GALNT17: variants seen among roughly 807,000 people sequenced by gnomAD.
GALNT17 encodes the protein UDP-GalNAc:polypeptide N-acetylgalactosaminyltransferase-like 3.
A neutral mutation model predicts 63.7 loss-of-function variants in GALNT17; 29 were observed. The observed-to-expected ratio is 0.46, with a 90% CI of 0.34 to 0.62. GALNT17 has a LOEUF of 0.62. GALNT17 is among the 20% of genes least tolerant of loss of function. The probability of loss-of-function intolerance (pLI) is 0.01; values close to 1 mark genes in which losing one functional copy is unlikely to be tolerated. For synonymous variants in GALNT17, 305 were observed against 318.3 expected, an observed-to-expected ratio of 0.96 and a Z score of 0.45; for missense variants, 603 against 799.6, an observed-to-expected ratio of 0.75 and a Z score of 2.97.
chr7:71,250,428 A>G (rs4717586), intron 1 of GALNT17, among the ~76,000 whole-genome samples: 39,136 of 152,052 alleles, frequency 0.26, 6,048 homozygotes, highest in Non-Finnish European at 0.32. Flanking sequence ...GTTTTTTGAC[A>G]GTATGGCTAT....
chr7:71,663,913 C>T (rs776926535), intron 6 of GALNT17, among the ~76,000 whole-genome samples: 3 of 152,172 alleles, frequency 2.0e-5, no homozygotes, highest in Non-Finnish European at 2.9e-5. Flanking sequence ...TTATGCAGAG[C>T]ATACAGTGTC....
intron 6 of GALNT17, among the ~76,000 whole-genome samples, chr7:71,654,748 C>G (rs1362853328): frequency 1.3e-5 from 2 of 152,086 alleles, no homozygotes; most frequent in Non-Finnish European, 2.9e-5. Context: ...GAAAATAGAT[C>G]ACAGGCTTTC....
chr7:71,473,515 G>A (rs1393111074), intron 5 of GALNT17, among the ~76,000 whole-genome samples: 1 of 152,150 alleles, frequency 6.6e-6, no homozygotes, highest in Non-Finnish European at 1.5e-5. Flanking sequence ...TTGCAATTTG[G>A]TATCTTACTG....
chr7:71,430,298 C>T (rs1035373142), intron 5 of GALNT17, among the ~76,000 whole-genome samples: 4 of 152,306 alleles, frequency 2.6e-5, no homozygotes, highest in Middle Eastern at 3.4e-3. Context: ...AGCCTGAATG[C>T]ACCTAGGTTA....
chr7:71,288,499 G>A (rs971346595), intron 1 of GALNT17, among the ~76,000 whole-genome samples: 1 of 152,146 alleles, frequency 6.6e-6, no homozygotes, highest in African/African-American at 2.4e-5. Flanking sequence ...CTGACTATAA[G>A]CCCTGAGCGG....
chr7:71,155,350 T>C (rs751155070), intron 1 of GALNT17, among the ~76,000 whole-genome samples: 19 of 151,716 alleles, frequency 1.3e-4, no homozygotes, highest in Non-Finnish European at 2.5e-4. Context: ...CTCGGCTCAC[T>C]GCACCCCCAA....
At chr7:71,336,910 A>C (rs1173450910) in intron 2 of GALNT17, among the ~76,000 whole-genome samples, 2 of 152,216 alleles carry the variant, frequency 1.3e-5, no homozygotes, top group African/African-American at 4.8e-5. Flanking sequence ...CGGCTTCACC[A>C]AATTGCTTTC....
At chr7:71,672,064 C>T (rs968707481) in intron 8 of GALNT17, among the ~76,000 whole-genome samples, 3 of 147,918 alleles carry the variant, frequency 2.0e-5, no homozygotes, top group Non-Finnish European at 3.0e-5. Context: ...ACCTGGCACA[C>T]AACAGTAATT....
intron 1 of GALNT17, among the ~76,000 whole-genome samples, chr7:71,244,085 T>C (rs959428604): frequency 2.0e-5 from 3 of 152,134 alleles, no homozygotes; most frequent in Non-Finnish European, 2.9e-5. Flanking sequence ...ACTAGAGCAG[T>C]TTAGCAGTTA....
Position 71,663,034 on chromosome 7 carries a change from A to G in GALNT17, c.1081-2377A>G, listed in dbSNP as rs368419617. ...CATAAGTGTGAGAGTTTATTTCTGG[A>G]CTTTCAGTTCTATTCCATTGATCCG... On this transcript the variant is annotated intron_variant, in intron 6 of 10. Transcript: ENST00000333538. Among the ~76,000 whole-genome samples the G allele has an allele frequency of 1.1e-4, 16 of 152,162 alleles. 1 individual carries two copies. In the East Asian group the frequency reaches 3.1e-3, roughly 29 times the overall value.
At chr7:71,309,443 A>G (rs1185721747) in intron 1 of GALNT17, among the ~76,000 whole-genome samples, 1 of 152,078 alleles carries the variant, frequency 6.6e-6, no homozygotes, top group African/African-American at 2.4e-5. Flanking sequence ...TCCAAATGTT[A>G]TCTCCTTGAG....
intron 5 of GALNT17, among the ~76,000 whole-genome samples, chr7:71,473,525 G>C (rs138303102): frequency 5.1e-4 from 77 of 152,258 alleles, no homozygotes; most frequent in African/African-American, 1.8e-3. Flanking sequence ...GTATCTTACT[G>C]CCACAGTGAG....
chr7:71,329,907 ATATATATGTATGTG>A lies in GALNT17; in HGVS notation c.239-5641_239-5628del, dbSNP rs1235193387. Among the ~76,000 whole-genome samples the A allele has an allele frequency of 3.7e-4, 48 of 130,342 alleles. 1 individual carries two copies. In the South Asian group the frequency reaches 0.012, roughly 34 times the overall value. The allele number at this position is 130,342 out of a possible 152,430, so 85.5% of individuals were successfully genotyped here. A position where few individuals can be genotyped will look rare whatever the true frequency, so the allele number is the denominator to read the frequency against. On this transcript the variant is annotated intron_variant, in intron 1 of 10. Coordinates refer to ENST00000333538, the MANE Select transcript of GALNT17 (RefSeq NM_022479.3). ...GTCCTCCAAGAATATATATATGTATATATATATGTATGTGTGTGTGTGTGTATATATATACACAC... is the reference window on the plus strand; with the variant it reads ...GTCCTCCAAGAATATATATATGTATATGTGTGTGTGTATATATATACACAC...
chr7:71,161,335 A>G (rs11976791), intron 1 of GALNT17, among the ~76,000 whole-genome samples: 71,422 of 152,108 alleles, frequency 0.47, 18,321 homozygotes, highest in African/African-American at 0.66. Flanking sequence ...TTTTCCAAAT[A>G]TCATTTATTT....
At chr7:71,433,033 C>T (rs1443340629) in intron 5 of GALNT17, among the ~76,000 whole-genome samples, 1 of 152,086 alleles carries the variant, frequency 6.6e-6, no homozygotes, top group Non-Finnish European at 1.5e-5. Flanking sequence ...CTGGTCTCCA[C>T]ACCTCAGGTG....
chr7:71,286,239 A>G (rs12699007), intron 1 of GALNT17, among the ~76,000 whole-genome samples: 6,646 of 152,344 alleles, frequency 0.044, 185 homozygotes, highest in Non-Finnish European at 0.067. Context: ...ATAGCTTCAC[A>G]GTAAATCTTG....
chr7:71,523,113 T>C (rs1788557285), intron 5 of GALNT17, among the ~76,000 whole-genome samples: 1 of 152,124 alleles, frequency 6.6e-6, no homozygotes, highest in Non-Finnish European at 1.5e-5. Context: ...TCTGTGAACA[T>C]TCTAAAAGCC....
intron 1 of GALNT17, among the ~76,000 whole-genome samples, chr7:71,325,673 A>G (rs888266188): frequency 2.0e-5 from 3 of 152,188 alleles, no homozygotes; most frequent in Non-Finnish European, 1.5e-5. Context: ...TCGAGCCTTC[A>G]TAGCTTGGGC....
At chr7:71,220,213 C>T (rs1562926078) in intron 1 of GALNT17, among the ~76,000 whole-genome samples, 2 of 152,200 alleles carry the variant, frequency 1.3e-5, no homozygotes, top group Non-Finnish European at 1.5e-5. Flanking sequence ...CGAATCATGA[C>T]TGGTTGATGT....
Sources: allele counts gnomAD v4.1 joint callset (sites outside exome capture counted in the v4.1 genomes callset), GRCh38; gene constraint gnomAD v4.1.1; transcripts MANE v1.5; gene names NCBI Gene and HGNC (gene_info 2026-07-23, HGNC 2026-07-21).